The following RSPO2 variants were observed in gnomAD, a reference collection of about 807,000 sequenced individuals.
RSPO2 encodes the protein R-spondin-2.
In RSPO2, 14 loss-of-function variants were observed where a neutral mutation model predicts 30.9. The ratio of observed to expected loss-of-function variants is 0.45; its 90% CI spans 0.30 to 0.71. RSPO2 has a LOEUF of 0.71. RSPO2 is among the 30% of genes least tolerant of loss of function. The pLI is 0.08. For missense variants in RSPO2, 264 were observed against 301.9 expected (o/e 0.87, Z 0.93); for synonymous variants, 107 against 96.4 (o/e 1.11, Z -0.64).
chr8:108,033,061 A>G (rs945207259), intron 2 of RSPO2, among the ~76,000 whole-genome samples: 20 of 150,878 alleles, frequency 1.3e-4, no homozygotes, highest in African/African-American at 4.6e-4. Context: ...AAAAAAAAAA[A>G]AAAAAAAAAA....
At chr8:107,997,974 G>A (rs368641173) in intron 2 of RSPO2, among the ~76,000 whole-genome samples, 4 of 152,162 alleles carry the variant, frequency 2.6e-5, no homozygotes, top group African/African-American at 9.6e-5. Flanking sequence ...CTAGGTGAAG[G>A]CATCCATCCT....
At chr8:108,075,548 C>T (rs899303572) in intron 2 of RSPO2, among the ~76,000 whole-genome samples, 1 of 151,794 alleles carries the variant, frequency 6.6e-6, no homozygotes, top group Non-Finnish European at 1.5e-5. Flanking sequence ...TCACCTGTCA[C>T]TTGGAATACT....
At chr8:108,055,395 G>A (rs554568878) in intron 2 of RSPO2, among the ~76,000 whole-genome samples, 2 of 152,224 alleles carry the variant, frequency 1.3e-5, no homozygotes, top group African/African-American at 4.8e-5. Context: ...TGTTTTATTT[G>A]AGGTGTAATA....
At chr8:107,973,954 C>T (rs1043710926) in intron 3 of RSPO2, among the ~76,000 whole-genome samples, 6 of 152,166 alleles carry the variant, frequency 3.9e-5, no homozygotes, top group Admixed American at 1.3e-4. Flanking sequence ...TGAGACCTGC[C>T]TCAGTCACTG....
At chr8:108,020,958 A>T (rs1459069665) in intron 2 of RSPO2, among the ~76,000 whole-genome samples, 2 of 152,224 alleles carry the variant, frequency 1.3e-5, no homozygotes, top group Non-Finnish European at 1.5e-5. Context: ...CTTGGTGTCA[A>T]ATATAGACAT....
Position 107,911,951 on chromosome 8 carries a change from T to C in RSPO2, c.617-10761A>G, listed in dbSNP as rs144587706. Among the ~76,000 whole-genome samples, 20 of 152,238 alleles carry C rather than the reference T, an allele frequency of 1.3e-4. No homozygotes were observed. The East Asian group carries it at 3.5e-3, about 27-fold the overall frequency. On this transcript the variant is annotated intron_variant, in intron 5 of 5. Transcript: ENST00000276659. ...AATCCCACACAATATCAGGGTTCCC[T>C]TGGGTCCCATTAGATCCCTGATGGG...
At position 108,067,333 on chromosome 8, in the gene RSPO2, T is replaced by C. The variant is rs1024977554; in HGVS notation, c.94+15212A>G. On this transcript the variant is annotated intron_variant, in intron 2 of 5. Coordinates refer to ENST00000276659, the MANE Select transcript of RSPO2 (RefSeq NM_178565.5). The stretch of plus-strand genomic sequence containing the variant: ...GAAATAACGAATTTTGTCAGGTAGA[T>C]TAATGACATTGAATTTTGGAAAGAA... 2.0e-5 allele frequency among the ~76,000 whole-genome samples: 3 copies of C among 152,184 alleles called. 1 individual carries two copies. Among genetic ancestry groups the C allele is most frequent in the Admixed American group, 2.0e-4 (3 of 15,272 alleles).
intron 3 of RSPO2, among the ~76,000 whole-genome samples, chr8:107,964,363 G>T (rs185851832): frequency 3.3e-5 from 5 of 152,130 alleles, no homozygotes; most frequent in African/African-American, 1.2e-4. Flanking sequence ...CTGCCTCAGC[G>T]TCCCAGTAGC....
chr8:108,008,021 A>G (rs544892885), intron 2 of RSPO2, among the ~76,000 whole-genome samples: 1 of 152,338 alleles, frequency 6.6e-6, no homozygotes, highest in South Asian at 2.1e-4. Flanking sequence ...CACTAGGTTC[A>G]TACACATAGG....
At chr8:108,055,804 C>T (rs1812225957) in intron 2 of RSPO2, among the ~76,000 whole-genome samples, 1 of 152,078 alleles carries the variant, frequency 6.6e-6, no homozygotes, top group African/African-American at 2.4e-5. Context: ...AAAAAATTAT[C>T]AATGGCTCAA....
chr8:107,984,995 G>T (rs1586602129), intron 3 of RSPO2, among the ~76,000 whole-genome samples: 1 of 152,156 alleles, frequency 6.6e-6, no homozygotes, highest in Non-Finnish European at 1.5e-5. Flanking sequence ...ACTTCAAAAA[G>T]TTTATTTTTT....
chr8:107,954,359 G>A (rs1271621794), intron 5 of RSPO2, among the ~76,000 whole-genome samples: 4 of 152,076 alleles, frequency 2.6e-5, no homozygotes, highest in Admixed American at 2.0e-4. Flanking sequence ...ATTCCCTAAT[G>A]TACAACATGG....
intron 3 of RSPO2, among the ~76,000 whole-genome samples, chr8:107,962,676 A>C (rs1301873530): frequency 1.3e-5 from 2 of 152,106 alleles, no homozygotes; most frequent in Non-Finnish European, 2.9e-5. Flanking sequence ...ACAAATTGTT[A>C]GTTTTCTTGC....
At chr8:107,928,411 A>C (rs1812451342) in intron 5 of RSPO2, among the ~76,000 whole-genome samples, 1 of 152,220 alleles carries the variant, frequency 6.6e-6, no homozygotes, top group Non-Finnish European at 1.5e-5. Context: ...AAGACTAAAA[A>C]TTTAATCTTG....
chr8:107,954,934 C>T (rs1813374447), intron 5 of RSPO2, among the ~76,000 whole-genome samples: 1 of 152,090 alleles, frequency 6.6e-6, no homozygotes, highest in African/African-American at 2.4e-5. Context: ...GTCTTTTATG[C>T]ACCCTTTTCT....
At chr8:107,990,969 G>A (rs1229941050) in intron 2 of RSPO2, among the ~76,000 whole-genome samples, 1 of 152,146 alleles carries the variant, frequency 6.6e-6, no homozygotes, top group Non-Finnish European at 1.5e-5. Context: ...GGTGGCTCAC[G>A]CCTGTAATCC....
chr8:108,037,667 G>A (rs546919175), intron 2 of RSPO2, among the ~76,000 whole-genome samples: 5 of 152,316 alleles, frequency 3.3e-5, no homozygotes, highest in Non-Finnish European at 7.4e-5. Flanking sequence ...TCAAAGAACA[G>A]GCTGACTCTC....
At chr8:107,933,411 C>T (rs986215412) in intron 5 of RSPO2, among the ~76,000 whole-genome samples, 4 of 152,174 alleles carry the variant, frequency 2.6e-5, no homozygotes, top group African/African-American at 4.8e-5. Flanking sequence ...CTTCTATGCT[C>T]ATAAAAATGT....
chr8:108,010,321 C>T (rs968973761), intron 2 of RSPO2, among the ~76,000 whole-genome samples: 1 of 152,108 alleles, frequency 6.6e-6, no homozygotes, highest in Non-Finnish European at 1.5e-5. Flanking sequence ...AAAGATAATG[C>T]ATATCTTGCC....
Sources: allele counts gnomAD v4.1 joint callset (sites outside exome capture counted in the v4.1 genomes callset), GRCh38; gene constraint gnomAD v4.1.1; transcripts MANE v1.5; gene names NCBI Gene and HGNC (gene_info 2026-07-23, HGNC 2026-07-21).